The following TLL1 variants were observed in gnomAD, a reference collection of about 807,000 sequenced individuals.
The protein encoded by TLL1 is tolloid-like protein 1.
A neutral mutation model predicts 128.2 loss-of-function variants in TLL1; 49 were observed. The observed-to-expected ratio is 0.38, with a 90% CI of 0.30 to 0.48. The LOEUF is 0.48. Ranked by LOEUF, TLL1 falls within the 20% of genes least tolerant of loss-of-function variation. TLL1 has a pLI of 0.96. For synonymous variants in TLL1, 454 were observed against 418.8 expected, an observed-to-expected ratio of 1.08 and a Z score of -1.03; for missense variants, 1,123 against 1,242.0, an observed-to-expected ratio of 0.90 and a Z score of 1.44.
At position 166,092,050 on chromosome 4, in the gene TLL1, ATCAG is replaced by A. The variant is rs1165195845; in HGVS notation, c.2656+711_2656+714del. ...CCTTTTCATTCAGTTAAGACAGTAT[ATCAG>A]TTAAATGTATATTAGCTAGTCATTT... On this transcript the variant is annotated intron_variant, in intron 19 of 20. Coordinates refer to ENST00000061240, the MANE Select transcript of TLL1 (RefSeq NM_012464.5). Among the ~76,000 whole-genome samples the A allele has an allele frequency of 7.6e-5, 7 of 91,892 alleles. No homozygotes were observed. The Admixed American group carries it at 8.3e-4, about 11-fold the overall frequency. 60.3% of individuals were successfully genotyped at this position (91,892 alleles called of 152,430 possible). A position where few individuals can be genotyped will look rare whatever the true frequency, so the allele number is the denominator to read the frequency against.
intron 9 of TLL1, among the ~76,000 whole-genome samples, chr4:166,026,915 A>C (rs1433381730): frequency 6.6e-6 from 1 of 152,218 alleles, no homozygotes; most frequent in African/African-American, 2.4e-5. Context: ...AATTTCTATA[A>C]AATGTTACAA....
Position 166,052,965 on chromosome 4 carries a change from G to GTGTGTATATATATATATATATA in TLL1, c.1525-2110_1525-2109insGTGTATATATATATATATATAT. Among the ~76,000 whole-genome samples the GTGTGTATATATATATATATATA allele has an allele frequency of 1.9e-4, 19 of 99,698 alleles. 2 individuals carry two copies. Among genetic ancestry groups the GTGTGTATATATATATATATATA allele is most frequent in the African/African-American group, 4.6e-4 (12 of 26,278 alleles). The allele number at this position is 99,698 out of a possible 152,430, so 65.4% of individuals were successfully genotyped here. A position where few individuals can be genotyped will look rare whatever the true frequency, so the allele number is the denominator to read the frequency against. On this transcript the variant is annotated intron_variant, in intron 12 of 20. Coordinates refer to ENST00000061240, the MANE Select transcript of TLL1 (RefSeq NM_012464.5). ...TAAAGACTGAGATAAGAGGTTATGTGTATATATATATATATATTTGGCCAA... is the reference window on the plus strand; with the variant it reads ...TAAAGACTGAGATAAGAGGTTATGTGTGTGTATATATATATATATATATATATATATATATATATTTGGCCAA...
At chr4:166,068,412 A>G (rs537279221) in intron 16 of TLL1, among the ~76,000 whole-genome samples, 1 of 151,864 alleles carries the variant, frequency 6.6e-6, no homozygotes, top group Non-Finnish European at 1.5e-5. Flanking sequence ...TCAGTGTGAT[A>G]ATATATAATC....
chr4:165,875,250 T>TA, intron 1 of TLL1, among the ~76,000 whole-genome samples: 1 of 152,172 alleles, frequency 6.6e-6, no homozygotes, highest in African/African-American at 2.4e-5. Context: ...TTCCCTTCCA[T>TA]AACTAGATAA....
At chr4:165,914,847 G>A (rs1732707574) in intron 1 of TLL1, among the ~76,000 whole-genome samples, 1 of 152,122 alleles carries the variant, frequency 6.6e-6, no homozygotes, top group South Asian at 2.1e-4. Context: ...TGCTGTATCT[G>A]GCTAGTTTGT....
In TLL1 at chr4:166,067,137, G is replaced by A. The variant is rs558489088; in HGVS notation, c.2188+1274G>A. On this transcript the variant is annotated intron_variant, in intron 16 of 20. Transcript: ENST00000061240. The stretch of plus-strand genomic sequence containing the variant: ...TAGAAGCCCCAAACCCCAACATTAC[G>A]CAATATACCCATGTAACAAACCTGC... Among the ~76,000 whole-genome samples, 11 of 151,700 alleles carry A rather than the reference G, an allele frequency of 7.3e-5. No homozygotes were observed. In the South Asian group the frequency reaches 1.2e-3, roughly 17 times the overall value.
chr4:166,023,927 A>G (rs1738367104), intron 8 of TLL1, among the ~76,000 whole-genome samples: 1 of 146,864 alleles, frequency 6.8e-6, no homozygotes, highest in African/African-American at 2.7e-5. Context: ...TTTTTTTTTT[A>G]TAGAAACACA....
intron 8 of TLL1, among the ~76,000 whole-genome samples, chr4:166,022,631 TAGAC>T (rs1738296983): frequency 6.6e-6 from 1 of 152,168 alleles, no homozygotes; most frequent in Non-Finnish European, 1.5e-5. Context: ...CTATAGACAT[TAGAC>T]AGCAAAAATA....
intron 1 of TLL1, among the ~76,000 whole-genome samples, chr4:165,911,095 T>C (rs910992538): frequency 1.3e-5 from 2 of 152,216 alleles, no homozygotes; most frequent in African/African-American, 2.4e-5. Context: ...TATTATTATC[T>C]ATAGTCACCC....
chr4:165,977,143 G>T (rs1411787272), intron 1 of TLL1, among the ~76,000 whole-genome samples: 1 of 152,144 alleles, frequency 6.6e-6, no homozygotes, highest in African/African-American at 2.4e-5. Flanking sequence ...AGGCGATATG[G>T]TTGGCTCTGT....
chr4:165,913,405 G>GT (rs1329441549), intron 1 of TLL1, among the ~76,000 whole-genome samples: 1 of 152,138 alleles, frequency 6.6e-6, no homozygotes, highest in African/African-American at 2.4e-5. Context: ...ATATATGTTA[G>GT]TTTTTGAAAT....
intron 12 of TLL1, among the ~76,000 whole-genome samples, chr4:166,049,294 A>G (rs1739605779): frequency 6.6e-6 from 1 of 152,214 alleles, no homozygotes; most frequent in Non-Finnish European, 1.5e-5. Context: ...CACCAGGTCT[A>G]GTAGTAAAGA....
chr4:165,944,781 G>C (rs999978091), intron 1 of TLL1, among the ~76,000 whole-genome samples: 1 of 152,044 alleles, frequency 6.6e-6, no homozygotes. Flanking sequence ...AAATCTGTGA[G>C]ATTTCTGCAG....
chr4:165,982,980 C>CTAGT (rs141121039), intron 1 of TLL1, among the ~76,000 whole-genome samples: 169 of 151,828 alleles, frequency 1.1e-3, no homozygotes, highest in African/African-American at 3.8e-3. Flanking sequence ...CTAAATCTTG[C>CTAGT]TAGTGGTTGA....
intron 18 of TLL1, among the ~76,000 whole-genome samples, chr4:166,078,790 A>T (rs1052951761): frequency 1.2e-4 from 19 of 152,194 alleles, no homozygotes; most frequent in African/African-American, 4.6e-4. Context: ...GTGCCAACTA[A>T]CAAGGCTCAG....
chr4:165,965,530 C>T (rs1159861988), intron 1 of TLL1, among the ~76,000 whole-genome samples: 2 of 152,142 alleles, frequency 1.3e-5, no homozygotes, highest in African/African-American at 2.4e-5. Context: ...TTATCAGCTG[C>T]ATTAACCCAC....
Position 166,055,059 on chromosome 4 carries a change from A to AT in TLL1, c.1525-10dup, listed in dbSNP as rs1007112290. 1.2e-6 allele frequency: 2 copies of AT among 1,603,858 alleles called. No homozygotes were observed. The highest frequency in any genetic ancestry group is 1.1e-5 in the South Asian group (1 of 89,450). On this transcript the variant is annotated splice_polypyrimidine_tract_variant and intron_variant, in intron 12 of 20. Transcript: ENST00000061240. ...TATCTATAAACATATATTTTCACAT[A>AT]TTTTTTTCTGTTGCAGATTGAAAGA...
At chr4:165,899,396 T>G (rs2110848619) in intron 1 of TLL1, among the ~76,000 whole-genome samples, 1 of 152,346 alleles carries the variant, frequency 6.6e-6, no homozygotes, top group Admixed American at 6.5e-5. Flanking sequence ...GCCTTAGCTG[T>G]GTCTTAGAGA....
At chr4:165,980,950 T>A (rs188779280) in intron 1 of TLL1, among the ~76,000 whole-genome samples, 1 of 152,224 alleles carries the variant, frequency 6.6e-6, no homozygotes, top group Admixed American at 6.5e-5. Flanking sequence ...GAGGGCTTCA[T>A]TTTAGACATT....
Sources: gnomAD v4.1 joint callset for allele counts (sites outside exome capture counted in the v4.1 genomes callset) on GRCh38, gnomAD v4.1.1 for gene constraint, MANE v1.5 for transcripts, NCBI Gene and HGNC (gene_info 2026-07-23, HGNC 2026-07-21) for gene names.